EYS: variants seen among roughly 807,000 people sequenced by gnomAD.
EYS encodes protein eyes shut homolog.
EYS carries 250 observed loss-of-function variants against 282.1 expected under a neutral mutation model. The ratio of observed to expected loss-of-function variants is 0.89; its 90% CI spans 0.80 to 0.98. EYS has a LOEUF of 0.98. Ranked by LOEUF, EYS falls within the 50% of genes least tolerant of loss-of-function variation. The probability of loss-of-function intolerance (pLI) is 0.00; values close to 1 mark genes in which losing one functional copy is unlikely to be tolerated. For synonymous variants in EYS, 1,355 were observed against 1,282.9 expected (o/e 1.06, Z -1.20); for missense variants, 4,016 against 3,709.0 (o/e 1.08, Z -2.15).
At chr6:64,395,479 G>T (rs184141769) in intron 28 of EYS, among the ~76,000 whole-genome samples, 70 of 152,240 alleles carry the variant, frequency 4.6e-4, no homozygotes, top group African/African-American at 1.5e-3. Flanking sequence ...CGTGTCCTTT[G>T]TAGGGACATG....
At chr6:64,809,317 A>G (rs1764527262) in intron 22 of EYS, among the ~76,000 whole-genome samples, 1 of 152,124 alleles carries the variant, frequency 6.6e-6, no homozygotes, top group Admixed American at 6.6e-5. Flanking sequence ...CTACTCTGTA[A>G]ACAGAATATA....
intron 31 of EYS, among the ~76,000 whole-genome samples, chr6:64,131,116 C>T (rs200145810): frequency 6.7e-6 from 1 of 149,516 alleles, no homozygotes; most frequent in Non-Finnish European, 1.5e-5. Flanking sequence ...TCCTCCCCCC[C>T]TTGGCCTCCC....
intron 5 of EYS, among the ~76,000 whole-genome samples, chr6:65,445,990 G>A (rs1768640484): frequency 6.6e-6 from 1 of 151,680 alleles, no homozygotes; most frequent in Admixed American, 6.6e-5. Context: ...ACTAAAAGTA[G>A]TAGAGTTTGA....
chr6:64,035,175 A>C (rs1770054356), intron 33 of EYS, among the ~76,000 whole-genome samples: 1 of 152,234 alleles, frequency 6.6e-6, no homozygotes, highest in South Asian at 2.1e-4. Context: ...AAACTCTTTA[A>C]TAATGACTAT....
intron 22 of EYS, among the ~76,000 whole-genome samples, chr6:64,745,515 A>G (rs1189099807): frequency 2.0e-5 from 3 of 150,226 alleles, no homozygotes; most frequent in Non-Finnish European, 4.5e-5. Context: ...AGGTTCCAAA[A>G]TATTTTCATA....
intron 31 of EYS, among the ~76,000 whole-genome samples, chr6:64,114,967 G>T (rs1225625635): frequency 6.6e-6 from 1 of 152,146 alleles, no homozygotes; most frequent in Non-Finnish European, 1.5e-5. Flanking sequence ...CCCTGGAGCT[G>T]CGGCCACTCT....
chr6:63,942,122 G>A (rs148385360), intron 35 of EYS, among the ~76,000 whole-genome samples: 2 of 152,236 alleles, frequency 1.3e-5, no homozygotes, highest in South Asian at 4.1e-4. Context: ...GATCTTTAAG[G>A]CTGATTACAC....
chr6:65,419,876 A>G (rs1334531231), intron 5 of EYS, among the ~76,000 whole-genome samples: 3 of 151,956 alleles, frequency 2.0e-5, no homozygotes, highest in African/African-American at 4.8e-5. Context: ...TGGCTTCCCA[A>G]TGCATATGAA....
At chr6:64,347,937 T>A (rs1771472915) in intron 29 of EYS, among the ~76,000 whole-genome samples, 1 of 151,512 alleles carries the variant, frequency 6.6e-6, no homozygotes, top group Non-Finnish European at 1.5e-5. Flanking sequence ...TACTCACTGA[T>A]GAAGATACAC....
chr6:64,616,393 G>T (rs1767276331), intron 24 of EYS, among the ~76,000 whole-genome samples: 1 of 152,046 alleles, frequency 6.6e-6, no homozygotes, highest in South Asian at 2.1e-4. Context: ...CAAAATTAGA[G>T]AATTCTCAGA....
At chr6:64,350,864 G>C (rs1376419479) in intron 29 of EYS, among the ~76,000 whole-genome samples, 3 of 151,416 alleles carry the variant, frequency 2.0e-5, no homozygotes, top group Non-Finnish European at 4.4e-5. Context: ...TAGTTCATGG[G>C]GCCCTGTCCC....
chr6:65,637,437 G>A (rs1767127517), intron 2 of EYS, among the ~76,000 whole-genome samples: 1 of 152,232 alleles, frequency 6.6e-6, no homozygotes, highest in Admixed American at 6.5e-5. Context: ...GACATGGACA[G>A]GGTTGCATGT....
chr6:64,255,668 A>C (rs561978636), intron 30 of EYS, among the ~76,000 whole-genome samples: 1 of 152,176 alleles, frequency 6.6e-6, no homozygotes, highest in Admixed American at 6.6e-5. Flanking sequence ...ATTCAATCAT[A>C]TGACTTAAAT....
At chr6:63,890,884 A>G (rs527323597) in intron 35 of EYS, among the ~76,000 whole-genome samples, 1 of 152,342 alleles carries the variant, frequency 6.6e-6, no homozygotes, top group African/African-American at 2.4e-5. Flanking sequence ...AAATAGACAC[A>G]ATAAAAAGTG....
At chr6:64,760,236 G>C (rs1372405401) in intron 22 of EYS, among the ~76,000 whole-genome samples, 1 of 152,028 alleles carries the variant, frequency 6.6e-6, no homozygotes, top group African/African-American at 2.4e-5. Flanking sequence ...GCTTCTGCAT[G>C]CCATAAAGCT....
intron 22 of EYS, among the ~76,000 whole-genome samples, chr6:64,698,644 A>G (rs11969333): frequency 5.3e-5 from 8 of 152,218 alleles, no homozygotes; most frequent in African/African-American, 1.9e-4. Context: ...GAGAAAAACA[A>G]TCTCATTAAA....
chr6:64,971,894 TTAAG>T (rs1770307669), intron 14 of EYS, among the ~76,000 whole-genome samples: 1 of 152,212 alleles, frequency 6.6e-6, no homozygotes, highest in South Asian at 2.1e-4. Context: ...TCAAGCATAA[TTAAG>T]TAAGTTCTTG....
At chr6:65,103,502 G>T (rs1774950093) in intron 12 of EYS, among the ~76,000 whole-genome samples, 2 of 151,284 alleles carry the variant, frequency 1.3e-5, no homozygotes, top group Non-Finnish European at 3.0e-5. Context: ...AATAGTCAAT[G>T]CCAAGTCTTC....
At chr6:64,381,299 G>A (rs1000221888) in intron 29 of EYS, among the ~76,000 whole-genome samples, 1 of 151,978 alleles carries the variant, frequency 6.6e-6, no homozygotes, top group Non-Finnish European at 1.5e-5. Flanking sequence ...CCGTTCTTAC[G>A]TGGTTATCCC....
Sources: gnomAD v4.1 joint callset for allele counts (sites outside exome capture counted in the v4.1 genomes callset) on GRCh38, gnomAD v4.1.1 for gene constraint, MANE v1.5 for transcripts, NCBI Gene and HGNC (gene_info 2026-07-23, HGNC 2026-07-21) for gene names.